The following PCSK6 variants were observed in gnomAD, a reference collection of about 807,000 sequenced individuals.
PCSK6 encodes the protein paired basic amino acid cleaving enzyme 4.
A neutral mutation model predicts 123.3 loss-of-function variants in PCSK6; 85 were observed. The observed-to-expected ratio is 0.69, with a 90% confidence interval of 0.58 to 0.83. The LOEUF is 0.83. PCSK6 is among the 40% of genes least tolerant of loss of function. The probability of loss-of-function intolerance (pLI) is 0.00; values close to 1 mark genes in which losing one functional copy is unlikely to be tolerated. For missense variants in PCSK6, 1,191 were observed against 1,282.3 expected, an observed-to-expected ratio of 0.93 and a Z score of 1.09; for synonymous variants, 508 against 516.0, an observed-to-expected ratio of 0.98 and a Z score of 0.21.
Position 101,382,080 on chromosome 15 carries a change from G to C in PCSK6, c.1532+12C>G, listed in dbSNP as rs565850616. The C allele has an allele frequency of 6.3e-7, 1 of 1,578,846 alleles. No homozygotes were observed. Among genetic ancestry groups the C allele is most frequent in the South Asian group, 1.1e-5 (1 of 87,034 alleles). On this transcript the variant is annotated intron_variant, in intron 11 of 21. Transcript: ENST00000611716. ...TGCCTGAGAAGTCACCGATGCCACA[G>C]CAGAGCCTTACCTGGGTCTCTTGTC...
At chr15:101,406,357 G>A (rs778222913) in intron 6 of PCSK6, among the ~76,000 whole-genome samples, 62 of 152,270 alleles carry the variant, frequency 4.1e-4, no homozygotes, top group Admixed American at 6.5e-4. Flanking sequence ...TGCCTTCAGC[G>A]AATGAATGGC....
intron 11 of PCSK6, among the ~76,000 whole-genome samples, chr15:101,381,586 C>T (rs1430686524): frequency 1.3e-5 from 2 of 152,148 alleles, no homozygotes; most frequent in Admixed American, 6.5e-5. Context: ...ATAAGCAGTA[C>T]CCCACAACCT....
chr15:101,392,447 C>T (rs548855023), intron 8 of PCSK6, among the ~76,000 whole-genome samples: 84 of 152,194 alleles, frequency 5.5e-4, no homozygotes, highest in Middle Eastern at 3.4e-3. Context: ...GCTGAGCAGC[C>T]GCAGAAATGA....
chr15:101,342,129 C>CAAAAAAAAAAAAAAAAAAAAAAAAA (rs35083182), intron 13 of PCSK6, among the ~76,000 whole-genome samples: 6 of 51,524 alleles, frequency 1.2e-4, no homozygotes, highest in African/African-American at 4.6e-4. Flanking sequence ...GACCCTGTCT[C>CAAAAAAAAAAAAAAAAAAAAAAAAA]AAAAAAAAAA....
chr15:101,387,692 C>T (rs566033313), intron 9 of PCSK6, among the ~76,000 whole-genome samples: 36 of 24,588 alleles, frequency 1.5e-3, no homozygotes, highest in Middle Eastern at 0.026. Context: ...TCTGGCCCCA[C>T]GCTGTCTGGG....
At position 101,384,360 on chromosome 15, in the gene PCSK6, T is replaced by C. The variant is rs771377646; in HGVS notation, c.1376A>G (p.Lys459Arg). Residue 459 changes from lysine to arginine, a missense_variant, in exon 10 of 22, where the codon AAA becomes AGA. By Grantham distance (26) the Lys-to-Arg change is conservative. Transcript: ENST00000611716. ...GCCGTTCACTTTCCAGTCGCTCGCT[T>C]TCAGGTGGGCCGGCCGGGATGTCTT... ...LVKTSRPAHL[K>R]ASDWKVNGAG... 1 of 1,613,912 alleles carries C rather than the reference T, an allele frequency of 6.2e-7. No individual in the cohort carries two copies. The highest frequency in any genetic ancestry group is 1.1e-5 in the South Asian group (1 of 91,060).
At chr15:101,479,803 A>AG (rs1328999062) in intron 1 of PCSK6, among the ~76,000 whole-genome samples, 3 of 152,194 alleles carry the variant, frequency 2.0e-5, no homozygotes, top group African/African-American at 7.2e-5. Flanking sequence ...ATCTCCACCC[A>AG]GGGAAGAGTC....
intron 19 of PCSK6, among the ~76,000 whole-genome samples, chr15:101,316,929 T>TTTTTTTTTTTTTTCA (rs2040006235): frequency 1.4e-5 from 2 of 142,256 alleles, no homozygotes; most frequent in African/African-American, 2.7e-5. Context: ...TTTTTTTTTT[T>TTTTTTTTTTTTTTCA]GACAGAGTCT....
chr15:101,446,173 C>T (rs558858827), intron 1 of PCSK6, among the ~76,000 whole-genome samples: 25 of 152,386 alleles, frequency 1.6e-4, no homozygotes, highest in Admixed American at 4.6e-4. Context: ...GAGGGACGCT[C>T]CCACTGCAGG....
intron 11 of PCSK6, among the ~76,000 whole-genome samples, chr15:101,372,633 T>C (rs1157620740): frequency 6.6e-6 from 1 of 152,030 alleles, no homozygotes; most frequent in Non-Finnish European, 1.5e-5. Flanking sequence ...TCCCCCACCT[T>C]CACCCCACAC....
intron 4 of PCSK6, among the ~76,000 whole-genome samples, chr15:101,430,532 G>T (rs2056414527): frequency 6.6e-6 from 1 of 152,202 alleles, no homozygotes; most frequent in South Asian, 2.1e-4. Context: ...ACGTGGGTCA[G>T]GATTTCCTTC....
rs1224501313 is a variant in PCSK6 at position 101,427,992 on chromosome 15, G to A, written c.735-12C>T. 5 of 1,561,098 alleles carry A rather than the reference G, an allele frequency of 3.2e-6. No individual in the cohort carries two copies. Among genetic ancestry groups the A allele is most frequent in the Non-Finnish European group, 4.3e-6 (5 of 1,152,076 alleles). The stretch of plus-strand genomic sequence containing the variant: ...AACGAGTGCCGTGTCTGAAACAAAG[G>A]AAAAAACCAAGTGAGGACGCAGCCC... On this transcript the variant is annotated splice_polypyrimidine_tract_variant and intron_variant, in intron 5 of 21. Coordinates refer to ENST00000611716, the MANE Select transcript of PCSK6 (RefSeq NM_002570.5).
chr15:101,325,820 C>T (rs531730787), intron 16 of PCSK6, among the ~76,000 whole-genome samples: 26 of 152,310 alleles, frequency 1.7e-4, no homozygotes, highest in Admixed American at 5.9e-4. Context: ...CAGCCTGAAC[C>T]GGGCAACTGG....
rs955565493 is a variant in PCSK6 at position 101,337,525 on chromosome 15, T to G, written c.1859-5494A>C. 59 of 152,370 alleles carry G rather than the reference T, an allele frequency of 3.9e-4. 1 individual carries two copies. The highest frequency in any genetic ancestry group is 3.9e-3 in the Admixed American group (59 of 15,310). The allele number at this position is 152,370 out of a possible 1,614,324, so 9.4% of individuals were successfully genotyped here. On this transcript the variant is annotated intron_variant, in intron 13 of 21. Coordinates refer to ENST00000611716, the MANE Select transcript of PCSK6 (RefSeq NM_002570.5). Reference sequence around the variant, plus strand: ...AAGAAAAATAAAAATAAATCACCTATAACTCTTTTGGCATATTTCCTCCTG... The same window carrying G: ...AAGAAAAATAAAAATAAATCACCTAGAACTCTTTTGGCATATTTCCTCCTG...
At chr15:101,380,816 G>A (rs2041892754) in intron 11 of PCSK6, among the ~76,000 whole-genome samples, 1 of 152,130 alleles carries the variant, frequency 6.6e-6, no homozygotes, top group Non-Finnish European at 1.5e-5. Flanking sequence ...TAAAGAGAGT[G>A]ACCTGTATTT....
intron 7 of PCSK6, among the ~76,000 whole-genome samples, chr15:101,397,824 G>C (rs562455882): frequency 6.6e-5 from 10 of 152,358 alleles, no homozygotes; most frequent in African/African-American, 2.4e-4. Context: ...GCAGGAGCCT[G>C]CCAGCCTCCC....
intron 1 of PCSK6, among the ~76,000 whole-genome samples, chr15:101,450,169 C>T (rs2056997118): frequency 6.6e-6 from 1 of 152,020 alleles, no homozygotes; most frequent in South Asian, 2.1e-4. Context: ...TGCAGGCAGC[C>T]CCACCCCTCT....
intron 10 of PCSK6, 79 bp from the exon 11 acceptor site, chr15:101,382,288 G>A (rs2041931229): frequency 2.6e-6 from 3 of 1,158,112 alleles, no homozygotes; most frequent in Non-Finnish European, 3.7e-6. Flanking sequence ...GCATCTGCCG[G>A]GCCCCATGGA....
At chr15:101,306,602 G>A (rs1301803819) in intron 21 of PCSK6, among the ~76,000 whole-genome samples, 2 of 152,214 alleles carry the variant, frequency 1.3e-5, no homozygotes, top group South Asian at 2.1e-4. Flanking sequence ...CTCCAGGCCC[G>A]AGTCCTGCCA....
Sources: allele counts gnomAD v4.1 joint callset (sites outside exome capture counted in the v4.1 genomes callset), GRCh38; gene constraint gnomAD v4.1.1; transcripts MANE v1.5; gene names NCBI Gene and HGNC (gene_info 2026-07-23, HGNC 2026-07-21).